PGCKA1: variants seen among roughly 807,000 people sequenced by gnomAD.
The protein encoded by PGCKA1 is PDCD10 and GCKIII kinases associated 1, also known as PDCD10 and GCKIII kinases-associated protein 1.
the PGCKA1 span, among the ~76,000 whole-genome samples, chr4:37,571,355 C>CATTTTTTTTTTT: frequency 1.3e-5 from 1 of 78,036 alleles, no homozygotes; most frequent in Non-Finnish European, 2.2e-5. Flanking sequence ...GACTATTATC[C>CATTTTTTTTTTT]TTTTTTTTTT....
At chr4:37,548,643 C>T in the PGCKA1 span, among the ~76,000 whole-genome samples, 1 of 152,012 alleles carries the variant, frequency 6.6e-6, no homozygotes, top group Non-Finnish European at 1.5e-5. Context: ...ACATTAATAA[C>T]ACACTAATAT....
chr4:37,479,427 A>G, the PGCKA1 span, among the ~76,000 whole-genome samples: 1 of 152,150 alleles, frequency 6.6e-6, no homozygotes, highest in Non-Finnish European at 1.5e-5. Context: ...CCAAACTTTC[A>G]TAAATTAATG....
the PGCKA1 span, among the ~76,000 whole-genome samples, chr4:37,568,274 TC>T: frequency 6.6e-6 from 1 of 152,230 alleles, no homozygotes; most frequent in Non-Finnish European, 1.5e-5. Flanking sequence ...GAGGCTGATT[TC>T]TTTGGCTCCT....
At chr4:37,511,994 T>G in the PGCKA1 span, among the ~76,000 whole-genome samples, 1 of 152,180 alleles carries the variant, frequency 6.6e-6, no homozygotes, top group African/African-American at 2.4e-5. Context: ...TACAGCCTGG[T>G]TTTGATTTCC....
chr4:37,535,157 T>G, the PGCKA1 span, among the ~76,000 whole-genome samples: 1 of 152,128 alleles, frequency 6.6e-6, no homozygotes, highest in African/African-American at 2.4e-5. Flanking sequence ...TAAGGAGGGC[T>G]TTCCGGAGAG....
the PGCKA1 span, among the ~76,000 whole-genome samples, chr4:37,486,476 T>C: frequency 6.6e-6 from 1 of 152,154 alleles, no homozygotes; most frequent in Non-Finnish European, 1.5e-5. Context: ...AAGAAACACT[T>C]AGACCAAACA....
At chr4:37,548,602 T>C in the PGCKA1 span, among the ~76,000 whole-genome samples, 16 of 152,238 alleles carry the variant, frequency 1.1e-4, 1 homozygote, top group South Asian at 1.4e-3. Flanking sequence ...TGGATAAATA[T>C]GTCTACAAGG....
At chr4:37,530,987 A>C in the PGCKA1 span, among the ~76,000 whole-genome samples, 1 of 152,142 alleles carries the variant, frequency 6.6e-6, no homozygotes, top group African/African-American at 2.4e-5. Context: ...TCTGTCTCAA[A>C]AGCAAAGAAA....
At chr4:37,476,384 G>C in the PGCKA1 span, among the ~76,000 whole-genome samples, 11 of 152,222 alleles carry the variant, frequency 7.2e-5, no homozygotes, top group African/African-American at 2.6e-4. Context: ...TCTATTAACA[G>C]ATAACATCTT....
the PGCKA1 span, among the ~76,000 whole-genome samples, chr4:37,543,185 A>G: frequency 6.8e-6 from 1 of 147,602 alleles, no homozygotes; most frequent in Non-Finnish European, 1.5e-5. Context: ...GCATACTTCT[A>G]TTACTATTTC....
At chr4:37,467,551 C>T in the PGCKA1 span, among the ~76,000 whole-genome samples, 7 of 152,154 alleles carry the variant, frequency 4.6e-5, no homozygotes, top group East Asian at 7.7e-4. Flanking sequence ...TTTAGTTCTA[C>T]GTCTTCATTT....
At chr4:37,534,709 G>A in the PGCKA1 span, among the ~76,000 whole-genome samples, 1 of 152,132 alleles carries the variant, frequency 6.6e-6, no homozygotes, top group Admixed American at 6.5e-5. Flanking sequence ...GTCCTTACAG[G>A]GCAGAAGGGG....
the PGCKA1 span, among the ~76,000 whole-genome samples, chr4:37,462,901 C>T: frequency 7.3e-6 from 1 of 137,296 alleles, no homozygotes; most frequent in Admixed American, 8.3e-5. Flanking sequence ...GAGGCTGAGG[C>T]AGGGGTATGG....
At chr4:37,517,032 C>T in the PGCKA1 span, among the ~76,000 whole-genome samples, 4 of 152,026 alleles carry the variant, frequency 2.6e-5, no homozygotes, top group Non-Finnish European at 4.4e-5. Context: ...AGGTGGATCA[C>T]CTGAGGTCAG....
At chr4:37,485,520 C>A in the PGCKA1 span, among the ~76,000 whole-genome samples, 1 of 152,114 alleles carries the variant, frequency 6.6e-6, no homozygotes, top group Non-Finnish European at 1.5e-5. Context: ...GCCCCTTGAC[C>A]TTGACTTCCC....
At chr4:37,560,856 A>G in the PGCKA1 span, among the ~76,000 whole-genome samples, 1 of 152,060 alleles carries the variant, frequency 6.6e-6, no homozygotes, top group Non-Finnish European at 1.5e-5. Flanking sequence ...GTTTCTTTCA[A>G]CTATCTTTTT....
At chr4:37,544,717 AT>A in the PGCKA1 span, among the ~76,000 whole-genome samples, 1 of 150,316 alleles carries the variant, frequency 6.7e-6, no homozygotes, top group Non-Finnish European at 1.5e-5. Flanking sequence ...TGAGGATGTT[AT>A]TGTCAGTGGC....
At chr4:37,566,061 C>T in the PGCKA1 span, among the ~76,000 whole-genome samples, 18 of 152,244 alleles carry the variant, frequency 1.2e-4, no homozygotes, top group Non-Finnish European at 2.2e-4. Context: ...TGCAGATGAG[C>T]TATTGTGGGA....
chr4:37,533,199 A>G, the PGCKA1 span, among the ~76,000 whole-genome samples: 2 of 152,034 alleles, frequency 1.3e-5, no homozygotes, highest in African/African-American at 4.8e-5. Flanking sequence ...AAGCAGTAGG[A>G]TTTTTTTTCC....
Sources: allele counts gnomAD v4.1 joint callset (sites outside exome capture counted in the v4.1 genomes callset), GRCh38; gene constraint gnomAD v4.1.1; transcripts MANE v1.5; gene names NCBI Gene and HGNC (gene_info 2026-07-23, HGNC 2026-07-21).